GCNT1: variants seen among roughly 807,000 people sequenced by gnomAD.
GCNT1 encodes glucosaminyl (N-acetyl) transferase 1.
A neutral mutation model predicts 26.2 loss-of-function variants in GCNT1; 16 were observed. That is an observed-to-expected ratio of 0.61 (90% CI 0.41 to 0.93). The LOEUF (loss-of-function observed/expected upper bound fraction) is 0.93, where lower values mean the gene tolerates loss of function less well. Ranked by LOEUF, GCNT1 falls within the 40% of genes least tolerant of loss-of-function variation. The probability of loss-of-function intolerance (pLI) is 0.00; values close to 1 mark genes in which losing one functional copy is unlikely to be tolerated. For missense variants in GCNT1, 477 were observed against 526.7 expected (o/e 0.91, Z 0.92); for synonymous variants, 183 against 190.8 (o/e 0.96, Z 0.34).
Position 76,502,677 on chromosome 9 carries a change from A to T in GCNT1, c.296A>T (p.Asp99Val), listed in dbSNP as rs759832659. Residue 99 changes from aspartate (D) to valine (V), a missense_variant, in exon 4 of 4, where the codon GAC (aspartate) becomes GTC (valine). Transcript: ENST00000376730. ...TPDDYINMTS[D>V]CSSFIKRRKY... ...GACGACTATATAAACATGACCAGTG[A>T]CTGTTCTTCTTTCATCAAGAGACGC... 4 of 1,614,052 alleles carry T rather than the reference A, an allele frequency of 2.5e-6. No individual in the cohort carries two copies. In the African/African-American group the frequency reaches 5.3e-5, roughly 22 times the overall value.
At chr9:76,454,355 G>C (rs912056935), upstream of GCNT1, among the ~76,000 whole-genome samples, 1 of 139,330 alleles carries the variant, frequency 7.2e-6, no homozygotes, top group Non-Finnish European at 1.5e-5. Context: ...CTCCAGCCTG[G>C]GCAACAAGAG....
At chr9:76,399,393 C>T in the GCNT1 span, 2 of 1,461,986 alleles carry the variant, frequency 1.4e-6, no homozygotes, top group South Asian at 2.3e-5. Context: ...GGTGAATGGA[C>T]TGCTCCAGCT....
intron 2 of GCNT1, among the ~76,000 whole-genome samples, chr9:76,485,214 C>T (rs1824541406): frequency 6.6e-6 from 1 of 152,110 alleles, no homozygotes; most frequent in African/African-American, 2.4e-5. Context: ...ACTCCGTCAC[C>T]CAGGCTGGAG....
chr9:76,396,106 A>G, the GCNT1 span, among the ~76,000 whole-genome samples: 1 of 152,248 alleles, frequency 6.6e-6, no homozygotes, highest in East Asian at 1.9e-4. Flanking sequence ...TTGATAAATC[A>G]TCCCTGGGTC....
intron 1 of GCNT1, among the ~76,000 whole-genome samples, chr9:76,449,521 G>T (rs1201927074): frequency 6.6e-6 from 1 of 152,072 alleles, no homozygotes; most frequent in Non-Finnish European, 1.5e-5. Flanking sequence ...TCCCATACCA[G>T]AATAAGGTGA....
the GCNT1 span, chr9:76,399,201 C>T: frequency 6.7e-7 from 1 of 1,489,544 alleles, no homozygotes; most frequent in South Asian, 1.1e-5. Context: ...AACAAGGGAG[C>T]TCACTCAGTG....
chr9:76,425,949 A>G (rs1823253143), intron 1 of GCNT1, among the ~76,000 whole-genome samples: 1 of 152,146 alleles, frequency 6.6e-6, no homozygotes, highest in Admixed American at 6.5e-5. Context: ...AAATATCTCA[A>G]GCACTGATCT....
intron 2 of GCNT1, among the ~76,000 whole-genome samples, chr9:76,474,201 A>G (rs984793599): frequency 1.3e-5 from 2 of 152,220 alleles, no homozygotes; most frequent in African/African-American, 2.4e-5. Flanking sequence ...ATCGGCAAAA[A>G]TAATTATACA....
the GCNT1 span, chr9:76,398,884 T>G: frequency 1.3e-6 from 2 of 1,530,472 alleles, no homozygotes; most frequent in Non-Finnish European, 1.8e-6. Context: ...TGCTGGCAGC[T>G]AGTGCTATTG....
At chr9:76,410,025 T>G in the GCNT1 span, among the ~76,000 whole-genome samples, 1 of 152,220 alleles carries the variant, frequency 6.6e-6, no homozygotes, top group Non-Finnish European at 1.5e-5. Flanking sequence ...AATGTGTTAT[T>G]TAGAGTATGG....
At chr9:76,444,176 TG>T (rs1823535998) in intron 1 of GCNT1, among the ~76,000 whole-genome samples, 1 of 152,100 alleles carries the variant, frequency 6.6e-6, no homozygotes, top group Non-Finnish European at 1.5e-5. Flanking sequence ...GTATTGGACA[TG>T]TTTGTTTGAA....
chr9:76,412,970 A>G, the GCNT1 span, among the ~76,000 whole-genome samples: 16 of 152,286 alleles, frequency 1.1e-4, no homozygotes, highest in African/African-American at 3.8e-4. Context: ...CTAGACCCCA[A>G]TAAAGTCTTC....
upstream of GCNT1, among the ~76,000 whole-genome samples, chr9:76,419,493 A>G (rs909864673): frequency 1.3e-5 from 2 of 151,880 alleles, no homozygotes; most frequent in African/African-American, 4.8e-5. Flanking sequence ...CCATGGCGAG[A>G]CCCCCGTCTC....
Position 76,504,638 on chromosome 9 carries a change from T to C in GCNT1, c.*970T>C, listed in dbSNP as rs1387082173. On this transcript the variant is annotated 3_prime_UTR_variant, in exon 4 of 4. Coordinates refer to ENST00000376730, the MANE Select transcript of GCNT1 (RefSeq NM_001490.5). ...GTATTTAAACAATTTCCGATGCCCA[T>C]GATGAGTTTAAAAACCAGCATTGAC... The C allele has an allele frequency of 2.4e-6, 1 of 412,268 alleles. No homozygotes were observed. The highest frequency in any genetic ancestry group is 2.1e-5 in the African/African-American group (1 of 48,614). The allele number at this position is 412,268 out of a possible 1,614,324, so 25.5% of individuals were successfully genotyped here. A position where few individuals can be genotyped will look rare whatever the true frequency, so the allele number is the denominator to read the frequency against.
At chr9:76,399,750 T>G in the GCNT1 span, among the ~76,000 whole-genome samples, 1 of 152,188 alleles carries the variant, frequency 6.6e-6, no homozygotes, top group Admixed American at 6.5e-5. Context: ...TTTATTTCTA[T>G]TTTATTTTAT....
chr9:76,490,365 C>CT (rs575002411), intron 2 of GCNT1, among the ~76,000 whole-genome samples: 274 of 152,138 alleles, frequency 1.8e-3, no homozygotes, highest in Middle Eastern at 6.8e-3. Flanking sequence ...ATGAGAAATC[C>CT]TTTGAGAGTG....
At chr9:76,431,454 C>T (rs561055223) in intron 1 of GCNT1, among the ~76,000 whole-genome samples, 52 of 152,290 alleles carry the variant, frequency 3.4e-4, no homozygotes, top group Non-Finnish European at 6.0e-4. Context: ...ATAAAAGTTA[C>T]GCATAGGGTG....
intron 1 of GCNT1, among the ~76,000 whole-genome samples, chr9:76,425,481 C>T (rs1489774184): frequency 6.6e-6 from 1 of 152,070 alleles, no homozygotes; most frequent in Non-Finnish European, 1.5e-5. Context: ...CCTCGGCCTC[C>T]CAAAGTGCTG....
intron 1 of GCNT1, among the ~76,000 whole-genome samples, chr9:76,449,905 TC>T (rs1823636964): frequency 1.3e-5 from 2 of 152,068 alleles, no homozygotes; most frequent in South Asian, 4.2e-4. Context: ...TGCCTCAGCC[TC>T]CCAAGTAGCT....
Sources: allele counts gnomAD v4.1 joint callset (sites outside exome capture counted in the v4.1 genomes callset), GRCh38; gene constraint gnomAD v4.1.1; transcripts MANE v1.5; gene names NCBI Gene and HGNC (gene_info 2026-07-23, HGNC 2026-07-21).